Variants in PATJ observed in about 807,000 individuals in gnomAD.
The protein encoded by PATJ is PATJ crumbs cell polarity complex component.
A neutral mutation model predicts 224.9 loss-of-function variants in PATJ; 190 were observed. That is an observed-to-expected ratio of 0.84 (90% confidence interval 0.75 to 0.95). PATJ has a LOEUF of 0.95. Ranked by LOEUF, PATJ falls within the 40% of genes least tolerant of loss-of-function variation. The pLI is 0.00. For missense variants in PATJ, 2,121 were observed against 2,270.3 expected, an observed-to-expected ratio of 0.93 and a Z score of 1.34; for synonymous variants, 769 against 820.3, an observed-to-expected ratio of 0.94 and a Z score of 1.07.
At chr1:62,008,605 C>G (rs1646239746) in intron 28 of PATJ, among the ~76,000 whole-genome samples, 2 of 151,882 alleles carry the variant, frequency 1.3e-5, no homozygotes, top group African/African-American at 4.8e-5. Context: ...AAAAAATGAG[C>G]CCGGTGTGTG....
intron 22 of PATJ, among the ~76,000 whole-genome samples, chr1:61,893,053 T>C (rs965716019): frequency 6.6e-6 from 1 of 152,166 alleles, no homozygotes; most frequent in Non-Finnish European, 1.5e-5. Flanking sequence ...ATATTTCACT[T>C]TCTCGGTTAA....
At position 62,079,542 on chromosome 1, in the gene PATJ, A is replaced by G. The variant is rs763030357; in HGVS notation, c.4218A>G (p.Ser1406=). 1 of 1,607,894 alleles carries G rather than the reference A, an allele frequency of 6.2e-7. No individual in the cohort carries two copies. Among genetic ancestry groups the G allele is most frequent in the African/African-American group, 1.3e-5 (1 of 74,896 alleles). Residue 1406 remains serine, a synonymous_variant, in exon 32 of 44, where the codon TCA becomes TCG. Coordinates refer to ENST00000642238, the MANE Select transcript of PATJ (RefSeq NM_001350145.3). Reference sequence around the variant, plus strand: ...TAGCACCAGCTTCATCATACCATTCAACAGATGCAGACTTCACAGGCTATG... The same window carrying G: ...TAGCACCAGCTTCATCATACCATTCGACAGATGCAGACTTCACAGGCTATG... ...IPLAPASSYH[S]TDADFTGYGG... is the part of the protein sequence containing the mutation.
At chr1:61,916,176 A>T (rs890263458) in intron 26 of PATJ, among the ~76,000 whole-genome samples, 1 of 152,150 alleles carries the variant, frequency 6.6e-6, no homozygotes, top group African/African-American at 2.4e-5. Flanking sequence ...ACAATAATCT[A>T]GTGGAGAATA....
chr1:61,993,809 A>G (rs1167779433), intron 28 of PATJ, among the ~76,000 whole-genome samples: 3 of 152,354 alleles, frequency 2.0e-5, no homozygotes, highest in South Asian at 4.1e-4. Flanking sequence ...TAATGAAAAC[A>G]GACTTCCACT....
intron 21 of PATJ, among the ~76,000 whole-genome samples, chr1:61,879,974 G>A (rs1667870475): frequency 6.6e-6 from 1 of 152,016 alleles, no homozygotes; most frequent in Non-Finnish European, 1.5e-5. Context: ...GAGTAGCTGG[G>A]ATTACAGGCA....
chr1:61,856,350 T>C (rs777667772), intron 18 of PATJ, 111 bp downstream of exon 18: 168 of 807,130 alleles, frequency 2.1e-4, no homozygotes, highest in Non-Finnish European at 3.0e-4. Flanking sequence ...CTGTTTACTA[T>C]GTGTGTGACC....
intron 4 of PATJ, among the ~76,000 whole-genome samples, chr1:61,767,306 G>A (rs1049150788): frequency 6.6e-6 from 1 of 152,132 alleles, no homozygotes; most frequent in Non-Finnish European, 1.5e-5. Context: ...GGCAGAGGCA[G>A]GAGGATTGCT....
intron 17 of PATJ, among the ~76,000 whole-genome samples, chr1:61,844,510 C>T (rs572294190): frequency 6.6e-6 from 1 of 152,188 alleles, no homozygotes; most frequent in African/African-American, 2.4e-5. Context: ...CCACTGTCAA[C>T]TGCAGTCTGA....
At chr1:61,863,516 T>A (rs904574039) in intron 19 of PATJ, among the ~76,000 whole-genome samples, 1 of 152,182 alleles carries the variant, frequency 6.6e-6, no homozygotes, top group Non-Finnish European at 1.5e-5. Context: ...ACCCAGAGGT[T>A]CTCCAGAGAT....
chr1:61,794,449 A>G (rs1182873110), intron 9 of PATJ, among the ~76,000 whole-genome samples: 2 of 152,108 alleles, frequency 1.3e-5, no homozygotes, highest in African/African-American at 4.8e-5. Flanking sequence ...CTGGCCTACA[A>G]ACAATGTTTT....
chr1:62,084,321 T>C lies in PATJ; in HGVS notation c.4244-194T>C, dbSNP rs560475639. ...AAATTGATGGGTTGAGGGGTGGGAG[T>C]TATCGTTTTAATCTCAGCAGTGTCA... On this transcript the variant is annotated intron_variant, in intron 32 of 43. Coordinates refer to ENST00000642238, the MANE Select transcript of PATJ (RefSeq NM_001350145.3). Among the ~76,000 whole-genome samples, 10 of 151,830 alleles carry C rather than the reference T, an allele frequency of 6.6e-5. No homozygotes were observed. In the South Asian group the frequency reaches 8.4e-4, roughly 13 times the overall value.
chr1:61,750,981 C>A (rs909081583), intron 1 of PATJ, among the ~76,000 whole-genome samples: 2 of 151,558 alleles, frequency 1.3e-5, no homozygotes, highest in African/African-American at 4.8e-5. Flanking sequence ...GTATCCCTTT[C>A]CCTTTTCTAT....
At chr1:62,059,663 CA>C (rs1655103864) in intron 31 of PATJ, among the ~76,000 whole-genome samples, 1 of 151,028 alleles carries the variant, frequency 6.6e-6, no homozygotes, top group Admixed American at 6.6e-5. Context: ...TTCAATTTTG[CA>C]AAGAAAATTA....
intron 27 of PATJ, among the ~76,000 whole-genome samples, chr1:61,946,528 C>A (rs151095049): frequency 0.043 from 6,525 of 151,624 alleles, 500 homozygotes; most frequent in African/African-American, 0.15. Context: ...AAGAAGTTGA[C>A]TCTCTGAATA....
At chr1:62,136,665 C>G (rs28504481) in intron 41 of PATJ, among the ~76,000 whole-genome samples, 3,776 of 46,810 alleles carry the variant, frequency 0.081, 189 homozygotes, top group African/African-American at 0.32. Flanking sequence ...GTGTGTGTGT[C>G]TGTGTGTGTG....
intron 1 of PATJ, among the ~76,000 whole-genome samples, chr1:61,747,852 A>G (rs761951745): frequency 6.6e-6 from 1 of 152,364 alleles, no homozygotes; most frequent in African/African-American, 2.4e-5. Flanking sequence ...AATGTGCTGT[A>G]AATGCACAAT....
chr1:61,812,433 A>AGAGAGAGAGAGAGAGAGAGT (rs1397549346), intron 14 of PATJ, among the ~76,000 whole-genome samples: 3 of 85,204 alleles, frequency 3.5e-5, no homozygotes, highest in Admixed American at 1.2e-4. Context: ...AGAGAGAGAG[A>AGAGAGAGAGAGAGAGAGAGT]GTGTGTGTGT....
intron 26 of PATJ, 82 bp downstream of exon 26, chr1:61,914,746 G>C: frequency 1.4e-5 from 11 of 795,924 alleles, no homozygotes; most frequent in Non-Finnish European, 1.8e-5. Flanking sequence ...TATAATAGAA[G>C]TGGCTTTTTG....
intron 31 of PATJ, among the ~76,000 whole-genome samples, chr1:62,078,409 A>G (rs1658693892): frequency 6.6e-6 from 1 of 152,048 alleles, no homozygotes; most frequent in Non-Finnish European, 1.5e-5. Context: ...CAGCCTCCCA[A>G]GTAGCTGGGA....
Sources: allele counts gnomAD v4.1 joint callset (sites outside exome capture counted in the v4.1 genomes callset), GRCh38; gene constraint gnomAD v4.1.1; transcripts MANE v1.5; gene names NCBI Gene and HGNC (gene_info 2026-07-23, HGNC 2026-07-21).